The following KATNAL1 variants were observed in gnomAD, a reference collection of about 807,000 sequenced individuals.
The protein encoded by KATNAL1 is katanin p60 ATPase-containing subunit A-like 1.
In KATNAL1, 32 loss-of-function variants were observed where a neutral mutation model predicts 55.2. The observed-to-expected ratio is 0.58, with a 90% CI of 0.44 to 0.78. The LOEUF is 0.78. KATNAL1 is among the 30% of genes least tolerant of loss of function. The probability of loss-of-function intolerance (pLI) is 0.00; values close to 1 mark genes in which losing one functional copy is unlikely to be tolerated. For missense variants in KATNAL1, 466 were observed against 600.9 expected (o/e 0.78, Z 2.35); for synonymous variants, 193 against 193.6 (o/e 1.00, Z 0.02).
intron 1 of KATNAL1, among the ~76,000 whole-genome samples, chr13:30,292,019 G>A (rs1381904504): frequency 6.6e-6 from 1 of 151,998 alleles, no homozygotes; most frequent in Non-Finnish European, 1.5e-5. Flanking sequence ...AAGGCAACAA[G>A]AGCGAAACTC....
chr13:30,240,941 A>G lies in KATNAL1; in HGVS notation c.620+18T>C, dbSNP rs774497056. On this transcript the variant is annotated intron_variant, in intron 5 of 10. Transcript: ENST00000380615. ...GTGTTCTCCTCTACTTTAATTCAAT[A>G]ATTTGAAAGACTCTAACCAATGAAT... 2 of 1,601,486 alleles carry G rather than the reference A, an allele frequency of 1.2e-6. No homozygotes were observed. The highest frequency in any genetic ancestry group is 1.1e-5 in the South Asian group (1 of 89,142).
rs550035978 is a variant in KATNAL1 at position 30,237,584 on chromosome 13, TTC to T, written c.726+2874_726+2875del. ...CTTGTAAAGAAGGACCTCAATATTA[TTC>T]TGTTAGAGAAAAGTTCATCCCAGAG... On this transcript the variant is annotated intron_variant, in intron 6 of 10. Transcript: ENST00000380615. Among the ~76,000 whole-genome samples, 132 of 152,286 alleles carry T rather than the reference TTC, an allele frequency of 8.7e-4. No individual in the cohort carries two copies. The South Asian group carries it at 0.017, about 20-fold the overall frequency.
At chr13:30,260,498 G>A (rs527611771) in intron 3 of KATNAL1, among the ~76,000 whole-genome samples, 49 of 152,242 alleles carry the variant, frequency 3.2e-4, no homozygotes, top group Non-Finnish European at 6.2e-4. Context: ...TGTATAACTA[G>A]AATAACCAAC....
Position 30,240,979 on chromosome 13 carries a change from G to A in KATNAL1, c.600C>T (p.Ser200=), listed in dbSNP as rs751239563. Residue 200 remains serine, a synonymous_variant, in exon 5 of 11, where the codon TCC becomes TCT. Coordinates refer to ENST00000380615, the MANE Select transcript of KATNAL1 (RefSeq NM_032116.5). ...CTAACCAATGAATGCTAGGATTCCT[G>A]GATACAATGTCTCTTTCAAGGGCTT... The part of the protein sequence containing the change: ...LVEALERDIV[S]RNPSIHWDDI... The A allele has an allele frequency of 3.1e-6, 5 of 1,612,480 alleles. No individual in the cohort carries two copies. The Admixed American group carries it at 8.4e-5, about 27-fold the overall frequency.
intron 3 of KATNAL1, among the ~76,000 whole-genome samples, chr13:30,279,415 A>C (rs1881103159): frequency 6.6e-6 from 1 of 152,214 alleles, no homozygotes; most frequent in African/African-American, 2.4e-5. Flanking sequence ...CAGAGGGGAT[A>C]GTCAGTTGAG....
At chr13:30,231,767 G>A (rs985166679) in intron 6 of KATNAL1, among the ~76,000 whole-genome samples, 2 of 152,148 alleles carry the variant, frequency 1.3e-5, no homozygotes, top group Admixed American at 1.3e-4. Context: ...CCTAGCATAT[G>A]ACATATACAT....
chr13:30,296,636 C>G, intron 1 of KATNAL1: 1 of 693,600 alleles, frequency 1.4e-6, no homozygotes, highest in Non-Finnish European at 2.7e-6. Context: ...AGTACACGGA[C>G]GAGCACAGGG....
At chr13:30,213,282 T>C (rs868446873) in intron 9 of KATNAL1, among the ~76,000 whole-genome samples, 2 of 152,138 alleles carry the variant, frequency 1.3e-5, no homozygotes, top group Non-Finnish European at 2.9e-5. Context: ...CAATAATCAA[T>C]AGCTTACCAA....
intron 4 of KATNAL1, among the ~76,000 whole-genome samples, chr13:30,246,035 G>GA (rs571333615): frequency 2.6e-5 from 4 of 152,000 alleles, no homozygotes; most frequent in South Asian, 2.1e-4. Flanking sequence ...CACAGAATTA[G>GA]AAAAAAACTA....
intron 9 of KATNAL1, among the ~76,000 whole-genome samples, chr13:30,219,765 G>A (rs1696746153): frequency 6.6e-6 from 1 of 152,120 alleles, no homozygotes; most frequent in Admixed American, 6.5e-5. Context: ...TAAACAAAGA[G>A]AAGCACCCCA....
intron 3 of KATNAL1, among the ~76,000 whole-genome samples, chr13:30,276,798 A>G (rs1301339698): frequency 1.3e-5 from 2 of 152,196 alleles, no homozygotes; most frequent in African/African-American, 2.4e-5. Context: ...GTGCATACAA[A>G]TAAGACTCCT....
At chr13:30,228,258 T>C (rs1875708512) in intron 8 of KATNAL1, among the ~76,000 whole-genome samples, 1 of 152,124 alleles carries the variant, frequency 6.6e-6, no homozygotes, top group South Asian at 2.1e-4. Context: ...CCATAAACTT[T>C]ATTGATAAGA....
intron 10 of KATNAL1, among the ~76,000 whole-genome samples, chr13:30,209,130 G>A (rs543075768): frequency 6.6e-6 from 1 of 152,160 alleles, no homozygotes; most frequent in South Asian, 2.1e-4. Context: ...TTTGTCTACA[G>A]CCTAAATAGA....
intron 1 of KATNAL1, among the ~76,000 whole-genome samples, chr13:30,291,313 G>C (rs1402569635): frequency 6.6e-6 from 1 of 152,104 alleles, no homozygotes; most frequent in East Asian, 1.9e-4. Context: ...AAACTAAAAA[G>C]AGTAAAATCA....
chr13:30,236,573 C>A (rs957927175), intron 6 of KATNAL1, among the ~76,000 whole-genome samples: 14 of 152,202 alleles, frequency 9.2e-5, no homozygotes, highest in Non-Finnish European at 1.8e-4. Flanking sequence ...ATTTCAACAA[C>A]CTCCTGATCA....
intron 1 of KATNAL1, among the ~76,000 whole-genome samples, chr13:30,303,548 G>C (rs145980782): frequency 2.9e-3 from 449 of 152,340 alleles, no homozygotes; most frequent in Non-Finnish European, 4.7e-3. Context: ...CTAGGTGACA[G>C]AGTCAGACCC....
chr13:30,241,152 T>C lies in KATNAL1; in HGVS notation c.493-66A>G, dbSNP rs148391595. The C allele has an allele frequency of 1.3e-4, 168 of 1,343,762 alleles. 1 individual carries two copies. In the African/African-American group the frequency reaches 1.9e-3, roughly 15 times the overall value. 83.2% of individuals were successfully genotyped at this position (1,343,762 alleles called of 1,614,324 possible). ...ATAATTTAGTTAACATCATTACGCT[T>C]TGAAAACATTATAATGCCATCACTT... On this transcript the variant is annotated intron_variant, in intron 4 of 10. Coordinates refer to ENST00000380615, the MANE Select transcript of KATNAL1 (RefSeq NM_032116.5).
At position 30,204,873 on chromosome 13, in the gene KATNAL1, C is replaced by A. The variant is rs1432142359; in HGVS notation, c.*3667G>T. 5 of 152,058 alleles carry A rather than the reference C, an allele frequency of 3.3e-5. No individual in the cohort carries two copies. Among genetic ancestry groups the A allele is most frequent in the African/African-American group, 7.2e-5 (3 of 41,394 alleles). 9.4% of individuals were successfully genotyped at this position (152,058 alleles called of 1,614,324 possible). On this transcript the variant is annotated 3_prime_UTR_variant, in exon 11 of 11. Transcript: ENST00000380615. ...GTATTGTGGGAGGTAGTGGTCAGAC[C>A]CGAAAGTGTGTAGATAAAGTCTGTG...
chr13:30,221,246 A>C (rs1874827294), intron 9 of KATNAL1, among the ~76,000 whole-genome samples: 1 of 152,172 alleles, frequency 6.6e-6, no homozygotes, highest in Admixed American at 6.5e-5. Context: ...TGATGAAATA[A>C]CTGTTACCAA....
Sources: gnomAD v4.1 joint callset for allele counts (sites outside exome capture counted in the v4.1 genomes callset) on GRCh38, gnomAD v4.1.1 for gene constraint, MANE v1.5 for transcripts, NCBI Gene and HGNC (gene_info 2026-07-23, HGNC 2026-07-21) for gene names.